The following KIZ variants were observed in gnomAD, a reference collection of about 807,000 sequenced individuals.
KIZ encodes the protein kizuna centrosomal protein, also known as centrosomal protein kizuna.
KIZ carries 68 observed loss-of-function variants against 79.6 expected under a neutral mutation model. That is an observed-to-expected ratio of 0.85 (90% CI 0.70 to 1.05). The LOEUF is 1.05. Ranked by LOEUF, KIZ falls within the 50% of genes least tolerant of loss-of-function variation. KIZ has a pLI of 0.00. For missense variants in KIZ, 797 were observed against 800.4 expected (o/e 1.00, Z 0.05); for synonymous variants, 280 against 281.8 (o/e 0.99, Z 0.06).
chr20:21,204,461 T>A (rs977209928), intron 6 of KIZ, among the ~76,000 whole-genome samples: 1 of 152,082 alleles, frequency 6.6e-6, no homozygotes, highest in African/African-American at 2.4e-5. Flanking sequence ...TTTTATTTTT[T>A]AAATTTTATT....
At chr20:21,176,931 T>C (rs2122867333) in intron 6 of KIZ, among the ~76,000 whole-genome samples, 1 of 152,360 alleles carries the variant, frequency 6.6e-6, no homozygotes, top group South Asian at 2.1e-4. Flanking sequence ...AAGATGTGTG[T>C]CAAAATTTCC....
chr20:21,132,420 T>G (rs1339857504), intron 2 of KIZ, among the ~76,000 whole-genome samples: 2 of 152,138 alleles, frequency 1.3e-5, no homozygotes, highest in Non-Finnish European at 2.9e-5. Context: ...TACCTGAGAT[T>G]ACAGGTATGT....
intron 4 of KIZ, among the ~76,000 whole-genome samples, chr20:21,147,961 TTGTGTGTGTGTG>T (rs61333547): frequency 6.0e-4 from 85 of 141,134 alleles, no homozygotes; most frequent in African/African-American, 1.8e-3. Context: ...CTCCTGGAAT[TTGTGTGTGTGTG>T]TGTGTGTGTG....
In KIZ at chr20:21,233,494, C is replaced by T. The variant is rs901624155; in HGVS notation, c.1880+664C>T. Among the ~76,000 whole-genome samples, 3 of 152,226 alleles carry T rather than the reference C, an allele frequency of 2.0e-5. No individual in the cohort carries two copies. The South Asian group carries it at 6.2e-4, about 32-fold the overall frequency. ...TTATAGATGGGAATATAAGCCATCA[C>T]CTGATGAAATACCCTACTCTTTTGC... On this transcript the variant is annotated intron_variant, in intron 11 of 12. Coordinates refer to ENST00000619189, the MANE Select transcript of KIZ (RefSeq NM_018474.6).
At chr20:21,214,454 T>C in intron 7 of KIZ, 81 bp from the exon 8 acceptor site, 1 of 934,344 alleles carries the variant, frequency 1.1e-6, no homozygotes. Context: ...TAAAATTATA[T>C]TTGAAGGCTA....
intron 2 of KIZ, among the ~76,000 whole-genome samples, chr20:21,134,893 C>T (rs957705541): frequency 2.6e-5 from 4 of 151,982 alleles, no homozygotes; most frequent in Non-Finnish European, 5.9e-5. Flanking sequence ...TCTGGAACTC[C>T]GGACCTCAGG....
At chr20:21,207,621 C>T (rs1201531726) in intron 7 of KIZ, among the ~76,000 whole-genome samples, 8 of 151,878 alleles carry the variant, frequency 5.3e-5, no homozygotes, top group Non-Finnish European at 1.2e-4. Context: ...ATAGATACAG[C>T]CCCCCGTATG....
chr20:21,134,048 G>A (rs1238061933), intron 2 of KIZ, among the ~76,000 whole-genome samples: 2 of 152,224 alleles, frequency 1.3e-5, no homozygotes, highest in South Asian at 2.1e-4. Flanking sequence ...CTGAGGCAGA[G>A]GCAGAGGCAG....
chr20:21,230,467 A>G (rs1207859498), intron 10 of KIZ, among the ~76,000 whole-genome samples: 1 of 152,218 alleles, frequency 6.6e-6, no homozygotes, highest in Non-Finnish European at 1.5e-5. Context: ...GACCCTATCT[A>G]AAAAGGAAAA....
At position 21,234,127 on chromosome 20, in the gene KIZ, C is replaced by T. The variant is rs192269344; in HGVS notation, c.1880+1297C>T. On this transcript the variant is annotated intron_variant, in intron 11 of 12. Coordinates refer to ENST00000619189, the MANE Select transcript of KIZ (RefSeq NM_018474.6). ...CTCACTTCTTCCTAAACAGTCTTTA[C>T]GTAGGTTCTTTGGGAAATTTTTAAA... Among the ~76,000 whole-genome samples, 18 of 152,196 alleles carry T rather than the reference C, an allele frequency of 1.2e-4. No individual in the cohort carries two copies. In the East Asian group the frequency reaches 2.3e-3, roughly 20 times the overall value.
At chr20:21,243,831 C>G (rs1295481442) in intron 11 of KIZ, among the ~76,000 whole-genome samples, 1 of 152,168 alleles carries the variant, frequency 6.6e-6, no homozygotes, top group Non-Finnish European at 1.5e-5. Context: ...ATCTTGAATT[C>G]CCTACTGCAA....
At chr20:21,162,722 T>A in intron 5 of KIZ, 128 bp from the exon 6 acceptor site, 1 of 868,526 alleles carries the variant, frequency 1.2e-6, no homozygotes, top group Non-Finnish European at 1.8e-6. Context: ...TTTAAGCTTT[T>A]AAGTTCCGTA....
At position 21,162,259 on chromosome 20, in the gene KIZ, T is replaced by C. The variant is rs1568933291; in HGVS notation, c.794T>C (p.Leu265Ser). Residue 265 changes from leucine (L) to serine (S), a missense_variant, in exon 5 of 13, where the codon TTA becomes TCA. By Grantham distance (145) the Leu-to-Ser change is moderately radical. Coordinates refer to ENST00000619189, the MANE Select transcript of KIZ (RefSeq NM_018474.6). The part of the protein sequence containing the change: ...GSNTRHGKSN[L>S]SEGKKSAELN... ...AACACACGTCATGGCAAGAGTAATTTATCTGAAGGCAAAAAGTCTGCTGAA... is the reference window on the plus strand; with the variant it reads ...AACACACGTCATGGCAAGAGTAATTCATCTGAAGGCAAAAAGTCTGCTGAA... 2 of 1,614,024 alleles carry C rather than the reference T, an allele frequency of 1.2e-6. No individual in the cohort carries two copies. The highest frequency in any genetic ancestry group is 2.2e-5 in the East Asian group (1 of 44,890).
At chr20:21,162,818 G>C in intron 5 of KIZ, 32 bp from the exon 6 acceptor site, 2 of 1,568,304 alleles carry the variant, frequency 1.3e-6, no homozygotes, top group Non-Finnish European at 8.7e-7. Context: ...TGAAGTCAGT[G>C]ATTGGTAATC....
chr20:21,135,186 C>G lies in KIZ; in HGVS notation c.153-1204C>G, dbSNP rs114336131. ...GATAATTGCATGGGTAGATGAGTTA[C>G]TCACTCATGTGGTCAGCTTTGAAGG... On this transcript the variant is annotated intron_variant, in intron 2 of 12. Transcript: ENST00000619189. Among the ~76,000 whole-genome samples, 1,502 of 152,260 alleles carry G rather than the reference C, an allele frequency of 9.9e-3. 19 individuals are homozygous for G. Among genetic ancestry groups the G allele is most frequent in the African/African-American group, 0.03 (1,245 of 41,532 alleles).
intron 3 of KIZ, among the ~76,000 whole-genome samples, chr20:21,139,669 A>T (rs926760090): frequency 2.6e-5 from 4 of 152,190 alleles, no homozygotes; most frequent in Non-Finnish European, 5.9e-5. Flanking sequence ...TGAAGGGAAG[A>T]ATCATCTTTT....
At chr20:21,177,904 TG>T (rs1393007896) in intron 6 of KIZ, among the ~76,000 whole-genome samples, 1 of 152,152 alleles carries the variant, frequency 6.6e-6, no homozygotes, top group Non-Finnish European at 1.5e-5. Flanking sequence ...GATTGATTTA[TG>T]GGCTCTCTAT....
chr20:21,126,113 A>G lies in KIZ; in HGVS notation c.-3A>G. ...TGTGCTGAGCTGGCGCAGCGGCAGCAGCATGAGCCGGACCCTCGCATCGGC... is the reference window on the plus strand; with the variant it reads ...TGTGCTGAGCTGGCGCAGCGGCAGCGGCATGAGCCGGACCCTCGCATCGGC... On this transcript the variant is annotated 5_prime_UTR_variant, in exon 1 of 13. Coordinates refer to ENST00000619189, the MANE Select transcript of KIZ (RefSeq NM_018474.6). 6.0e-6 allele frequency: 9 copies of G among 1,512,100 alleles called. No individual in the cohort carries two copies. Among genetic ancestry groups the G allele is most frequent in the Non-Finnish European group, 8.0e-6 (9 of 1,130,836 alleles). The allele number at this position is 1,512,100 out of a possible 1,614,324, so 93.7% of individuals were successfully genotyped here. A position where few individuals can be genotyped will look rare whatever the true frequency, so the allele number is the denominator to read the frequency against.
intron 6 of KIZ, among the ~76,000 whole-genome samples, chr20:21,203,724 T>G (rs887611565): frequency 6.6e-6 from 1 of 152,232 alleles, no homozygotes; most frequent in Admixed American, 6.5e-5. Flanking sequence ...TTTACCAATT[T>G]GCAGAATAAT....
Sources: gnomAD v4.1 joint callset for allele counts (sites outside exome capture counted in the v4.1 genomes callset) on GRCh38, gnomAD v4.1.1 for gene constraint, MANE v1.5 for transcripts, NCBI Gene and HGNC (gene_info 2026-07-23, HGNC 2026-07-21) for gene names.